DET1: variants seen among roughly 807,000 people sequenced by gnomAD.
DET1 encodes the protein DET1 homolog.
Under a neutral mutation model 43.7 loss-of-function variants are expected in DET1, and 22 were observed. That is an observed-to-expected ratio of 0.50 (90% CI 0.36 to 0.72). The LOEUF is 0.72. Among genes scored for constraint, DET1 ranks in the 30% least tolerant of loss-of-function variants. DET1 has a pLI of 0.00. For synonymous variants in DET1, 315 were observed against 266.2 expected (o/e 1.18, Z -1.79); for missense variants, 713 against 713.3 (o/e 1.00, Z 0.00).
At chr15:88,505,075 C>T (rs936951889) in intron 7 of DET1, 1 of 152,126 alleles carries the variant, frequency 6.6e-6, no homozygotes, top group African/African-American at 2.4e-5. Flanking sequence ...TTCGACTTAA[C>T]CTCTAGTTTC....
chr15:88,514,319 G>A (rs2056283848), intron 4 of DET1, among the ~76,000 whole-genome samples: 1 of 152,140 alleles, frequency 6.6e-6, no homozygotes, highest in Admixed American at 6.5e-5. Flanking sequence ...GGGTGGCAGG[G>A]AGGATTCCAG....
At chr15:88,506,571 GT>G (rs3214696) in intron 7 of DET1, among the ~76,000 whole-genome samples, 105,672 of 151,986 alleles carry the variant, frequency 0.7, 36,983 homozygotes, top group South Asian at 0.84. Context: ...GCAGAGAACC[GT>G]TTATGCTGAT....
chr15:88,541,319 C>T (rs1188061410), intron 1 of DET1, among the ~76,000 whole-genome samples: 2 of 152,006 alleles, frequency 1.3e-5, no homozygotes, highest in African/African-American at 4.8e-5. Context: ...ACATCCTCCT[C>T]TTTGAGAAAC....
chr15:88,531,254 C>A lies in DET1; in HGVS notation c.452G>T (p.Cys151Phe). The A allele has an allele frequency of 6.2e-7, 1 of 1,613,858 alleles. No individual in the cohort carries two copies. The highest frequency in any genetic ancestry group is 8.5e-7 in the Non-Finnish European group (1 of 1,179,840). ...AGCTGAGCCCACGATGACACAGCGG[C>A]AGTCATCAGTGAAGAGACTACACTC... ...NRECSLFTDD[C>F]RCVIVGSAAY... is the part of the protein sequence containing the mutation. The change falls in exon 2 of 5, where the codon TGC (cysteine) becomes TTC (phenylalanine). Residue 151 changes from cysteine (C) to phenylalanine (F), a missense_variant. By Grantham distance (205) the Cys-to-Phe change is radical. Transcript: ENST00000268148. The surrounding 1 kb of genome is among the most constrained non-coding windows in gnomAD (Gnocchi z 6.2).
chr15:88,534,918 C>T (rs779499782), intron 1 of DET1, among the ~76,000 whole-genome samples: 6 of 152,168 alleles, frequency 3.9e-5, no homozygotes, highest in Non-Finnish European at 7.3e-5. Context: ...AATCATTCAG[C>T]ATATGAAGTA....
chr15:88,538,160 ACT>A (rs1361104900), intron 1 of DET1, among the ~76,000 whole-genome samples: 6 of 151,926 alleles, frequency 3.9e-5, no homozygotes, highest in Non-Finnish European at 2.9e-5. Context: ...GTTTTTACTA[ACT>A]CTGTTTTTAG....
rs1303303397 is a variant in DET1 at position 88,504,251 on chromosome 15, G to C, written c.*2066-264C>G. 1 of 152,130 alleles carries C rather than the reference G, an allele frequency of 6.6e-6. No individual in the cohort carries two copies. Among genetic ancestry groups the C allele is most frequent in the Admixed American group, 6.5e-5 (1 of 15,276 alleles). The allele number at this position is 152,130 out of a possible 1,614,324, so 9.4% of individuals were successfully genotyped here. ...GATATGGCGGCTGAATGATTCCAGG[G>C]GTGCGGGCGGGGTGCAAAAGCCTAG... On this transcript the variant is annotated intron_variant and NMD_transcript_variant, in intron 7 of 8. Coordinates refer to the DET1 transcript ENST00000557842. The surrounding 1 kb of genome is among the most constrained non-coding windows in gnomAD (Gnocchi z 4.7).
At chr15:88,534,588 T>G (rs2056899632) in intron 1 of DET1, among the ~76,000 whole-genome samples, 1 of 152,178 alleles carries the variant, frequency 6.6e-6, no homozygotes, top group African/African-American at 2.4e-5. Flanking sequence ...ATCATGAAGT[T>G]GTTCATGAAC....
chr15:88,513,901 G>A (rs1373700662), intron 4 of DET1, among the ~76,000 whole-genome samples: 2 of 138,098 alleles, frequency 1.4e-5, no homozygotes, highest in East Asian at 2.2e-4. Context: ...CCGGGTTCAC[G>A]CCATTCTCCT....
Position 88,516,267 on chromosome 15 carries a change from G to A in DET1, c.1463+515C>T, listed in dbSNP as rs1371920017. Among the ~76,000 whole-genome samples, 1 of 152,186 alleles carries A rather than the reference G, an allele frequency of 6.6e-6. No individual in the cohort carries two copies. Among genetic ancestry groups the A allele is most frequent in the Non-Finnish European group, 1.5e-5 (1 of 68,032 alleles). ...GGTCTGTGAACTAGACTTCTGTGAG[G>A]AAAGAATTTCTTGTAAGACGTCAGT... On this transcript the variant is annotated intron_variant, in intron 4 of 4. Transcript: ENST00000268148. This position sits in a 1 kb window ranked among gnomAD's most constrained non-coding sequence, Gnocchi z 4.4.
At chr15:88,527,573 C>A in intron 3 of DET1, 26 bp downstream of exon 3, 1 of 1,548,448 alleles carries the variant, frequency 6.5e-7, no homozygotes. Context: ...AAAGAAAAGA[C>A]TGTTGAGTCT....
rs892437496 is a variant in DET1, at chr15:88,530,935, G to A, written c.771C>T (p.Gly257=). ...EGTFIDVRTI[G]RFCYEDDLLT... ...GCAGGTCATCCTCATAGCAAAAGCGGCCAATGGTCCGCACATCAATGAAAG... is the reference window on the plus strand; with the variant it reads ...GCAGGTCATCCTCATAGCAAAAGCGACCAATGGTCCGCACATCAATGAAAG... Residue 257 remains glycine, a synonymous_variant, in exon 2 of 5, where the codon GGC becomes GGT. Coordinates refer to ENST00000268148, the MANE Select transcript of DET1 (RefSeq NM_001144074.3). The A allele has an allele frequency of 6.2e-7, 1 of 1,614,024 alleles. No homozygotes were observed. The highest frequency in any genetic ancestry group is 1.3e-5 in the African/African-American group (1 of 75,046).
rs752162376 is a variant in DET1, at chr15:88,530,643, G to A, written c.1063C>T (p.Arg355Ter). The A allele has an allele frequency of 1.2e-6, 2 of 1,608,738 alleles. No individual in the cohort carries two copies. The highest frequency in any genetic ancestry group is 2.2e-5 in the East Asian group (1 of 44,842). Residue 355 changes from arginine to a stop codon, truncating the protein, a stop_gained, in exon 2 of 5, where the codon CGA (arginine) becomes TGA (stop). Coordinates refer to ENST00000268148, the MANE Select transcript of DET1 (RefSeq NM_001144074.3). LOFTEE classifies it high-confidence loss of function. The stretch of plus-strand genomic sequence containing the variant: ...CATACCTGTGATGGATCTGTGACTC[G>A]CAGTGTTACTACATCCTCACTAGTG... The part of the protein sequence containing the change: ...KYTSEDVVTL[R>*]VTDPSQASFF...
chr15:88,531,951 C>T lies in DET1; in HGVS notation c.-10-236G>A. On this transcript the variant is annotated intron_variant, in intron 1 of 4. Coordinates refer to ENST00000268148, the MANE Select transcript of DET1 (RefSeq NM_001144074.3). The surrounding 1 kb of genome is among the most constrained non-coding windows in gnomAD (Gnocchi z 6.2). ...TCACTAGGAATACCTTCCAAGTATG[C>T]TCAGCTGTTGGGAAAGTTCAACAGA... 2.1e-6 allele frequency: 1 copy of T among 483,210 alleles called. No homozygotes were observed. The highest frequency in any genetic ancestry group is 3.6e-6 in the Non-Finnish European group (1 of 275,274). The allele number at this position is 483,210 out of a possible 1,614,324, so 29.9% of individuals were successfully genotyped here. A position where few individuals can be genotyped will look rare whatever the true frequency, so the allele number is the denominator to read the frequency against.
At chr15:88,511,935 T>C (rs2056206839), downstream of DET1, among the ~76,000 whole-genome samples, 1 of 152,184 alleles carries the variant, frequency 6.6e-6, no homozygotes, top group Admixed American at 6.5e-5. Context: ...AGTCAGATGT[T>C]ACTAAACAAG....
intron 3 of DET1, among the ~76,000 whole-genome samples, chr15:88,522,355 T>C (rs1478452264): frequency 1.3e-5 from 2 of 152,082 alleles, no homozygotes; most frequent in African/African-American, 4.8e-5. Context: ...TAGACAGATA[T>C]TTGGCCTCCT....
intron 1 of DET1, among the ~76,000 whole-genome samples, chr15:88,533,257 C>T (rs79195016): frequency 7.9e-5 from 12 of 152,032 alleles, no homozygotes; most frequent in South Asian, 2.1e-4. Context: ...CCCATTAGAA[C>T]GACTGCTTTT....
chr15:88,514,079 G>A (rs1269269679), intron 4 of DET1, among the ~76,000 whole-genome samples: 19 of 150,018 alleles, frequency 1.3e-4, no homozygotes, highest in Non-Finnish European at 2.5e-4. Flanking sequence ...GATTACAGGC[G>A]TGAGCCACCG....
intron 3 of DET1, among the ~76,000 whole-genome samples, chr15:88,520,316 C>A (rs2056455349): frequency 6.7e-6 from 1 of 150,332 alleles, no homozygotes; most frequent in South Asian, 2.1e-4. Flanking sequence ...TACTGTCCAA[C>A]TTTTCTCCTC....
Sources: allele counts gnomAD v4.1 joint callset (sites outside exome capture counted in the v4.1 genomes callset), GRCh38; gene constraint gnomAD v4.1.1; non-coding constraint Gnocchi (gnomAD v3.1); transcripts MANE v1.5; gene names NCBI Gene and HGNC (gene_info 2026-07-23, HGNC 2026-07-21).